GARNL3: variants seen among roughly 807,000 people sequenced by gnomAD.
GARNL3 encodes GTPase-activating Rap/Ran-GAP domain-like protein 3.
A neutral mutation model predicts 125.0 loss-of-function variants in GARNL3; 63 were observed. The observed-to-expected ratio is 0.50, with a 90% confidence interval of 0.41 to 0.62. The LOEUF (loss-of-function observed/expected upper bound fraction) is 0.62, where lower values mean the gene tolerates loss of function less well. GARNL3 is among the 20% of genes least tolerant of loss of function. GARNL3 has a pLI of 0.00. For synonymous variants in GARNL3, 439 were observed against 457.5 expected, an observed-to-expected ratio of 0.96 and a Z score of 0.52; for missense variants, 994 against 1,244.0, an observed-to-expected ratio of 0.80 and a Z score of 3.02.
intron 9 of GARNL3, among the ~76,000 whole-genome samples, chr9:127,334,051 T>C (rs112519933): frequency 2.0e-5 from 3 of 151,962 alleles, no homozygotes; most frequent in African/African-American, 7.3e-5. Flanking sequence ...CATGGTAGAA[T>C]TGGCAAGTGG....
Position 127,364,779 on chromosome 9 carries a change from A to G in GARNL3, c.2095-521A>G, listed in dbSNP as rs1831196432. The G allele has an allele frequency of 6.5e-6, 1 of 153,544 alleles. No individual in the cohort carries two copies. Among genetic ancestry groups the G allele is most frequent in the Admixed American group, 6.5e-5 (1 of 15,430 alleles). The allele number at this position is 153,544 out of a possible 1,614,324, so 9.5% of individuals were successfully genotyped here. On this transcript the variant is annotated intron_variant, in intron 21 of 27. Coordinates refer to ENST00000373387, the MANE Select transcript of GARNL3 (RefSeq NM_032293.5). This position sits in a 1 kb window ranked among gnomAD's most constrained non-coding sequence, Gnocchi z 4.2. ...GGCAGAAGGATGCCTCGCTGGAGGTACGAGAGCGGTAAGGTTGAAAGAGAA... is the reference window on the plus strand; with the variant it reads ...GGCAGAAGGATGCCTCGCTGGAGGTGCGAGAGCGGTAAGGTTGAAAGAGAA...
Position 127,336,105 on chromosome 9 carries a change from G to A in GARNL3, c.874-23G>A, listed in dbSNP as rs1829539049. On this transcript the variant is annotated intron_variant, in intron 10 of 27. Coordinates refer to ENST00000373387, the MANE Select transcript of GARNL3 (RefSeq NM_032293.5). ...GCCATGTTTGAGAGTCTTTCTCAGT[G>A]ATGTTATTTATGCTCACTACAGGTG... 9.8e-6 allele frequency: 15 copies of A among 1,525,110 alleles called. 1 individual carries two copies. The highest frequency in any genetic ancestry group is 1.4e-5 in the Non-Finnish European group (15 of 1,102,200). The allele number at this position is 1,525,110 out of a possible 1,614,324, so 94.5% of individuals were successfully genotyped here.
rs1316550779 is a variant in GARNL3 at position 127,389,024 on chromosome 9, G to A, written c.2648G>A (p.Ser883Asn). ...GTCATCACCCCACCCACTCCCATCA[G>A]TGTGGGCCTTGCTGCCATTCCAGTC... ...SKVITPPTPI[S>N]VGLAAIPVTH... The change falls in exon 26 of 28, where the codon AGT becomes AAT. Residue 883 changes from serine (S) to asparagine (N), a missense_variant. Coordinates refer to ENST00000373387, the MANE Select transcript of GARNL3 (RefSeq NM_032293.5). 1.9e-6 allele frequency: 3 copies of A among 1,614,002 alleles called. No homozygotes were observed. The highest frequency in any genetic ancestry group is 3.3e-5 in the Admixed American group (2 of 60,000).
At chr9:127,337,422 A>G (rs1474058900) in intron 11 of GARNL3, among the ~76,000 whole-genome samples, 1 of 152,188 alleles carries the variant, frequency 6.6e-6, no homozygotes, top group African/African-American at 2.4e-5. Flanking sequence ...TCATTAAGGC[A>G]GATTCATTCC....
chr9:127,262,568 A>G (rs951237287), upstream of GARNL3, among the ~76,000 whole-genome samples: 8 of 152,244 alleles, frequency 5.3e-5, no homozygotes, highest in African/African-American at 1.7e-4. Context: ...GTCCAAGTCC[A>G]AGACAAAAGG....
chr9:127,327,103 A>G (rs2065597533), intron 7 of GARNL3, among the ~76,000 whole-genome samples: 1 of 152,250 alleles, frequency 6.6e-6, no homozygotes, highest in East Asian at 1.9e-4. Flanking sequence ...TATAATCCCA[A>G]TTATGTTTTT....
chr9:127,236,623 C>T (rs1352620298), intron 1 of GARNL3, among the ~76,000 whole-genome samples: 2 of 152,176 alleles, frequency 1.3e-5, no homozygotes, highest in African/African-American at 4.8e-5. Flanking sequence ...GACAAGGTCT[C>T]ACTATGTTGC....
At chr9:127,247,131 T>C (rs2063319063) in intron 2 of GARNL3, among the ~76,000 whole-genome samples, 1 of 152,136 alleles carries the variant, frequency 6.6e-6, no homozygotes, top group Non-Finnish European at 1.5e-5. Flanking sequence ...GAGGGACATA[T>C]TGTGCAAGAT....
chr9:127,243,208 A>G (rs1372560943), exon 2 of GARNL3: 3 of 1,366,494 alleles, frequency 2.2e-6, no homozygotes, highest in Admixed American at 1.9e-5. Flanking sequence ...CCCTTCAGAC[A>G]TGGCCAACGA....
At chr9:127,274,417 C>G (rs1393526044) in intron 1 of GARNL3, among the ~76,000 whole-genome samples, 3 of 152,168 alleles carry the variant, frequency 2.0e-5, no homozygotes, top group Non-Finnish European at 4.4e-5. Flanking sequence ...ACCTTGGGAA[C>G]CTTGATACCA....
chr9:127,241,133 C>T (rs1376525096), intron 1 of GARNL3, among the ~76,000 whole-genome samples: 1 of 152,132 alleles, frequency 6.6e-6, no homozygotes, highest in Non-Finnish European at 1.5e-5. Flanking sequence ...CACATGGAAG[C>T]TGTTCCTCCG....
intron 1 of GARNL3, among the ~76,000 whole-genome samples, chr9:127,236,338 T>C (rs916308032): frequency 1.3e-5 from 2 of 152,256 alleles, no homozygotes; most frequent in African/African-American, 4.8e-5. Context: ...ATATAATTTT[T>C]GGGAACAAAC....
chr9:127,373,514 C>G (rs1037527874), intron 22 of GARNL3, among the ~76,000 whole-genome samples: 1 of 152,198 alleles, frequency 6.6e-6, no homozygotes, highest in Admixed American at 6.5e-5. Flanking sequence ...CCTGTTTTCC[C>G]AGCACTTTGG....
intron 16 of GARNL3, among the ~76,000 whole-genome samples, chr9:127,346,158 A>G (rs1289848617): frequency 6.6e-6 from 1 of 152,244 alleles, no homozygotes; most frequent in East Asian, 1.9e-4. Flanking sequence ...CATCAAAAAT[A>G]AAACAGACAA....
At chr9:127,332,481 C>A in intron 8 of GARNL3, 132 bp downstream of exon 8, 1 of 728,998 alleles carries the variant, frequency 1.4e-6, no homozygotes, top group Non-Finnish European at 2.3e-6. Context: ...ACAATTTCAG[C>A]GTGAATTTTG....
At chr9:127,334,895 T>A (rs984334956) in intron 9 of GARNL3, among the ~76,000 whole-genome samples, 1 of 152,174 alleles carries the variant, frequency 6.6e-6, no homozygotes, top group Non-Finnish European at 1.5e-5. Flanking sequence ...GACATAATTG[T>A]TTGTGTCATC....
chr9:127,230,313 A>T (rs1183801856), intron 1 of GARNL3, among the ~76,000 whole-genome samples: 1 of 152,222 alleles, frequency 6.6e-6, no homozygotes, highest in Admixed American at 6.5e-5. Context: ...CAAAGTGCTA[A>T]AAACAGTACC....
intron 17 of GARNL3, 75 bp downstream of exon 17, chr9:127,349,110 C>A: frequency 2.0e-6 from 2 of 992,816 alleles, no homozygotes; most frequent in Non-Finnish European, 3.2e-6. Flanking sequence ...GACCACCAAC[C>A]AACTCCCTTT....
rs200543104 is a variant in GARNL3, at chr9:127,392,869, C to A, written c.2871-214C>A. Among the ~76,000 whole-genome samples the A allele has an allele frequency of 5.5e-3, 842 of 152,326 alleles. 19 individuals are homozygous for A. The East Asian group carries it at 0.061, about 11-fold the overall frequency. On this transcript the variant is annotated intron_variant, in intron 27 of 27. Transcript: ENST00000373387. This position sits in a 1 kb window ranked among gnomAD's most constrained non-coding sequence, Gnocchi z 5.2. ...AGGTAGGTAAATAATGCCTCACAAACACCTTCCATGTGTCACACACTCGGC... is the reference window on the plus strand; with the variant it reads ...AGGTAGGTAAATAATGCCTCACAAAAACCTTCCATGTGTCACACACTCGGC...
Sources: allele counts gnomAD v4.1 joint callset (sites outside exome capture counted in the v4.1 genomes callset), GRCh38; gene constraint gnomAD v4.1.1; non-coding constraint Gnocchi (gnomAD v3.1); transcripts MANE v1.5; gene names NCBI Gene and HGNC (gene_info 2026-07-23, HGNC 2026-07-21).